Variants in CROCC2 observed in about 807,000 individuals in gnomAD.
CROCC2 encodes the protein ciliary rootlet coiled-coil, rootletin family member 2, also known as ciliary rootlet coiled-coil protein 2.
CROCC2 carries 163 observed loss-of-function variants against 177.6 expected under a neutral mutation model. The observed-to-expected ratio is 0.92, with a 90% CI of 0.81 to 1.05. CROCC2 has a LOEUF of 1.05. Ranked by LOEUF, CROCC2 falls within the 50% of genes least tolerant of loss-of-function variation. The pLI is 0.00. For missense variants in CROCC2, 1,929 were observed against 1,797.8 expected, an observed-to-expected ratio of 1.07 and a Z score of -1.32; for synonymous variants, 904 against 787.3, an observed-to-expected ratio of 1.15 and a Z score of -2.48.
At chr2:240,968,992 G>A (rs564995433) in intron 27 of CROCC2, among the ~76,000 whole-genome samples, 26 of 152,354 alleles carry the variant, frequency 1.7e-4, no homozygotes, top group African/African-American at 6.0e-4. Context: ...CAACTGTTCC[G>A]CTCCAGAGAG....
At chr2:240,956,141 A>G (rs2059588760) in intron 19 of CROCC2, among the ~76,000 whole-genome samples, 169 bp downstream of exon 19, 1 of 152,166 alleles carries the variant, frequency 6.6e-6, no homozygotes, top group African/African-American at 2.4e-5. Context: ...GGGGCACTCA[A>G]TGGGCAGGAA....
At chr2:240,983,776 CT>C in intron 28 of CROCC2, 1 of 429,834 alleles carries the variant, frequency 2.3e-6, no homozygotes, top group Non-Finnish European at 3.9e-6. Context: ...TGCCTTGGCT[CT>C]CCCTGGGGAG....
chr2:240,926,923 T>C (rs115070695), intron 5 of CROCC2, among the ~76,000 whole-genome samples: 2,185 of 152,360 alleles, frequency 0.014, 49 homozygotes, highest in African/African-American at 0.05. Flanking sequence ...GCCTGGTCCC[T>C]GTCCTTGGAC....
chr2:240,955,734 T>C, intron 18 of CROCC2, 125 bp from the exon 19 acceptor site: 1 of 639,582 alleles, frequency 1.6e-6, no homozygotes, highest in Middle Eastern at 4.2e-4. Context: ...GACAGGAACA[T>C]GAACGTGCTG....
chr2:240,933,334 C>T lies in CROCC2; in HGVS notation c.1455C>T (p.Leu485=). 6.6e-7 allele frequency: 1 copy of T among 1,521,110 alleles called. No homozygotes were observed. Among genetic ancestry groups the T allele is most frequent in the Non-Finnish European group, 8.8e-7 (1 of 1,136,834 alleles). The allele number at this position is 1,521,110 out of a possible 1,614,324, so 94.2% of individuals were successfully genotyped here. A position where few individuals can be genotyped will look rare whatever the true frequency, so the allele number is the denominator to read the frequency against. ...EVQQCRASCK[L]LGREKAALEM... is the part of the protein sequence containing the mutation. ...AGCAGTGCCGGGCATCCTGCAAGCT[C>T]CTGGGGAGGTAATGGGGTGAAGGGG... Residue 485 remains leucine (L), a synonymous_variant, in exon 10 of 32, where the codon CTC becomes CTT. Coordinates refer to ENST00000690015, the MANE Select transcript of CROCC2 (RefSeq NM_001351305.2).
At chr2:240,964,156 T>C in intron 21 of CROCC2, 1 of 531,860 alleles carries the variant, frequency 1.9e-6, no homozygotes, top group East Asian at 3.2e-5. Flanking sequence ...TCACAGCAGG[T>C]GGCAGAGGTA....
Position 240,933,269 on chromosome 2 carries a change from G to GC in CROCC2, c.1391dup (p.Leu465SerfsTer123), listed in dbSNP as rs1177357388. On this transcript the variant is annotated frameshift_variant, in exon 10 of 32. Coordinates refer to ENST00000690015, the MANE Select transcript of CROCC2 (RefSeq NM_001351305.2). LOFTEE classifies it high-confidence loss of function. ...TCGGGAGCAGGCACGGGAACGAGAG[G>GC]CTCTTCGGGGCCAGCTGGAGGCCCA... 1.3e-6 allele frequency: 2 copies of GC among 1,547,400 alleles called. No individual in the cohort carries two copies. Among genetic ancestry groups the GC allele is most frequent in the African/African-American group, 2.7e-5 (2 of 73,000 alleles).
rs970613127 is a variant in CROCC2 at position 240,916,562 on chromosome 2, C to G, written c.79-2164C>G. On this transcript the variant is annotated intron_variant, in intron 1 of 31. Coordinates refer to ENST00000690015, the MANE Select transcript of CROCC2 (RefSeq NM_001351305.2). ...GCTCCCCCCGCGCTCCCCGCGCCCC[C>G]CTCCGGCTCCAGCTGGGCCGCGGCC... Among the ~76,000 whole-genome samples, 13 of 151,062 alleles carry G rather than the reference C, an allele frequency of 8.6e-5. 1 individual carries two copies. The highest frequency in any genetic ancestry group is 2.0e-4 in the East Asian group (1 of 5,010).
chr2:240,906,772 T>G (rs1460024549), intron 1 of CROCC2, among the ~76,000 whole-genome samples, 181 bp downstream of exon 1: 1 of 152,186 alleles, frequency 6.6e-6, no homozygotes. Flanking sequence ...CAGGCGCGCC[T>G]GCATGCACAC....
chr2:240,952,585 A>G (rs4610049), intron 18 of CROCC2, among the ~76,000 whole-genome samples: 1 of 151,876 alleles, frequency 6.6e-6, no homozygotes, highest in African/African-American at 2.4e-5. Context: ...GAAGGGAAGG[A>G]CTTACAGGAG....
At chr2:240,967,541 G>A (rs943870570) in intron 26 of CROCC2, 76 bp downstream of exon 26, 15 of 1,527,058 alleles carry the variant, frequency 9.8e-6, no homozygotes, top group Admixed American at 6.0e-5. Context: ...CACTGCTGCC[G>A]GCTATAAGCT....
intron 20 of CROCC2, chr2:240,959,747 C>A: frequency 3.8e-6 from 1 of 260,712 alleles, no homozygotes; most frequent in East Asian, 7.5e-5. Context: ...CATTTCTAAG[C>A]CTCCTGAAGG....
At position 240,933,831 on chromosome 2, in the gene CROCC2, G is replaced by A. The variant is rs2059449661; in HGVS notation, c.1625G>A (p.Ser542Asn). ...REELALRRER[S>N]CRALETSQGR... is the part of the protein sequence containing the mutation. ...GAGCTGGCTCTGCGGAGGGAGCGGAGCTGCAGGGCACTGGAGACCAGGTGC... is the reference window on the plus strand; with the variant it reads ...GAGCTGGCTCTGCGGAGGGAGCGGAACTGCAGGGCACTGGAGACCAGGTGC... Residue 542 changes from serine to asparagine, a missense_variant, in exon 11 of 32, where the codon AGC (serine) becomes AAC (asparagine). Physicochemically the swap from Ser to Asn is conservative, Grantham distance 46. Around this residue, in one of 3 missense-constraint regions of CROCC2, gnomAD observed 1,397 missense variants for 1,239.9 expected, o/e 1.13. Coordinates refer to ENST00000690015, the MANE Select transcript of CROCC2 (RefSeq NM_001351305.2). 6.5e-7 allele frequency: 1 copy of A among 1,547,564 alleles called. No individual in the cohort carries two copies. The highest frequency in any genetic ancestry group is 1.4e-5 in the African/African-American group (1 of 72,990).
In CROCC2 at chr2:240,955,799, G is replaced by T; in HGVS notation, c.2830-60G>T. 5.9e-6 allele frequency: 7 copies of T among 1,179,168 alleles called. No individual in the cohort carries two copies. In the South Asian group the frequency reaches 7.8e-5, roughly 13 times the overall value. The allele number at this position is 1,179,168 out of a possible 1,614,324, so 73.0% of individuals were successfully genotyped here. A position where few individuals can be genotyped will look rare whatever the true frequency, so the allele number is the denominator to read the frequency against. On this transcript the variant is annotated intron_variant, in intron 18 of 31. Coordinates refer to ENST00000690015, the MANE Select transcript of CROCC2 (RefSeq NM_001351305.2). ...CTGCCACAGCCTCTCCTTAGAGGGG[G>T]GCCTCTTCCCTCCCCCGAGACTCCC...
chr2:240,944,076 A>G (rs921576500), intron 14 of CROCC2, among the ~76,000 whole-genome samples: 1 of 152,188 alleles, frequency 6.6e-6, no homozygotes, highest in African/African-American at 2.4e-5. Context: ...CTTTTGAAGA[A>G]TGTTTTCGCT....
chr2:240,968,360 GGA>G (rs2059699021), intron 27 of CROCC2, 98 bp downstream of exon 27: 2 of 1,375,584 alleles, frequency 1.5e-6, no homozygotes, highest in South Asian at 1.5e-5. Flanking sequence ...CCGGGAGGTG[GGA>G]GAGAGGGGTC....
At chr2:240,957,556 C>T (rs1051366450) in intron 19 of CROCC2, 2 of 152,268 alleles carry the variant, frequency 1.3e-5, no homozygotes, top group African/African-American at 4.8e-5. Context: ...CGCTCGGTGA[C>T]TCGGAGCCGG....
chr2:240,911,296 C>CTTTTTTT (rs35968018), intron 1 of CROCC2, among the ~76,000 whole-genome samples: 1 of 123,050 alleles, frequency 8.1e-6, no homozygotes, highest in Non-Finnish European at 1.6e-5. Flanking sequence ...ACGTCCACAA[C>CTTTTTTT]TTTTTTTTTT....
chr2:240,959,699 A>G (rs573603137), intron 20 of CROCC2: 2 of 390,912 alleles, frequency 5.1e-6, no homozygotes, highest in Non-Finnish European at 9.0e-6. Flanking sequence ...CCATTGGCTA[A>G]GGGAAGCTGA....
Sources: gnomAD v4.1 joint callset for allele counts (sites outside exome capture counted in the v4.1 genomes callset) on GRCh38, gnomAD v4.1.1 for gene constraint, gnomAD v4.1.1 regional missense constraint, MANE v1.5 for transcripts, NCBI Gene and HGNC (gene_info 2026-07-23, HGNC 2026-07-21) for gene names.